GRIA1: variants seen among roughly 807,000 people sequenced by gnomAD.
The protein encoded by GRIA1 is glutamate ionotropic receptor AMPA type subunit 1, also known as glutamate receptor 1.
A neutral mutation model predicts 99.2 loss-of-function variants in GRIA1; 31 were observed. The observed-to-expected ratio is 0.31, with a 90% CI of 0.23 to 0.42. The LOEUF is 0.42. Among genes scored for constraint, GRIA1 ranks in the 10% least tolerant of loss-of-function variants. GRIA1 has a pLI of 1.00. For synonymous variants in GRIA1, 438 were observed against 432.4 expected (o/e 1.01, Z -0.16); for missense variants, 782 against 1,157.5 (o/e 0.68, Z 4.71).
intron 2 of GRIA1, among the ~76,000 whole-genome samples, chr5:153,537,358 A>C (rs1023849952): frequency 1.3e-5 from 2 of 152,156 alleles, no homozygotes; most frequent in African/African-American, 4.8e-5. Flanking sequence ...TCCCCCGCAG[A>C]CCTGCCTAGC....
chr5:153,564,354 T>C (rs55654300), intron 2 of GRIA1, among the ~76,000 whole-genome samples: 55,547 of 152,050 alleles, frequency 0.37, 12,757 homozygotes, highest in Non-Finnish European at 0.52. Context: ...CATCACAGCA[T>C]AGAGATTAAG....
intron 6 of GRIA1, 77 bp downstream of exon 6, chr5:153,674,738 C>A: frequency 7.0e-7 from 1 of 1,421,900 alleles, no homozygotes; most frequent in Non-Finnish European, 9.7e-7. Flanking sequence ...CTGCATTAGT[C>A]TTTACAAAGG....
chr5:153,545,599 T>C (rs748958171), intron 2 of GRIA1, among the ~76,000 whole-genome samples: 1 of 152,094 alleles, frequency 6.6e-6, no homozygotes, highest in African/African-American at 2.4e-5. Flanking sequence ...ACTACAGCAA[T>C]GTGGGAGCTA....
At position 153,813,421 on chromosome 5, in the gene GRIA1, G is replaced by A. The variant is rs567560646; in HGVS notation, c.*2196G>A. 16 of 152,304 alleles carry A rather than the reference G, an allele frequency of 1.1e-4. No individual in the cohort carries two copies. Among genetic ancestry groups the A allele is most frequent in the African/African-American group, 2.6e-4 (11 of 41,556 alleles). The allele number at this position is 152,304 out of a possible 1,614,324, so 9.4% of individuals were successfully genotyped here. Reference sequence around the variant, plus strand: ...TACTGAGCCCACAAGTAACATGAGCGGATAAAAAGAGACTTGTTTGTGCTA... The same window carrying A: ...TACTGAGCCCACAAGTAACATGAGCAGATAAAAAGAGACTTGTTTGTGCTA... On this transcript the variant is annotated 3_prime_UTR_variant, in exon 16 of 16. Coordinates refer to ENST00000285900, the MANE Select transcript of GRIA1 (RefSeq NM_000827.4).
Position 153,603,609 on chromosome 5 carries a change from G to A in GRIA1, c.221-43319G>A, listed in dbSNP as rs113105642. On this transcript the variant is annotated intron_variant, in intron 2 of 15. Transcript: ENST00000285900. ...AGAAGCTGGAGCCTATTTTCATACCGAATATGTAAATATCGACATCTCTGC... is the reference window on the plus strand; with the variant it reads ...AGAAGCTGGAGCCTATTTTCATACCAAATATGTAAATATCGACATCTCTGC... Among the ~76,000 whole-genome samples, 689 of 152,232 alleles carry A rather than the reference G, an allele frequency of 4.5e-3. 5 individuals are homozygous for A. Among genetic ancestry groups the A allele is most frequent in the African/African-American group, 0.015 (634 of 41,542 alleles).
intron 8 of GRIA1, among the ~76,000 whole-genome samples, chr5:153,697,138 A>T (rs142838111): frequency 6.6e-6 from 1 of 152,178 alleles, no homozygotes; most frequent in Non-Finnish European, 1.5e-5. Context: ...ATCTCTCATG[A>T]TCATAAGCCC....
chr5:153,727,093 A>G (rs907819357), intron 11 of GRIA1, among the ~76,000 whole-genome samples: 18 of 152,170 alleles, frequency 1.2e-4, no homozygotes, highest in African/African-American at 3.9e-4. Context: ...TATGCAAATC[A>G]CTAAATGTAA....
At chr5:153,619,298 C>A (rs977001869) in intron 2 of GRIA1, among the ~76,000 whole-genome samples, 1 of 152,198 alleles carries the variant, frequency 6.6e-6, no homozygotes, top group African/African-American at 2.4e-5. Flanking sequence ...AAGCCCCAAA[C>A]TTATCCTTGT....
chr5:153,599,350 A>G (rs1581299111), intron 2 of GRIA1, among the ~76,000 whole-genome samples: 2 of 152,332 alleles, frequency 1.3e-5, no homozygotes, highest in South Asian at 2.1e-4. Flanking sequence ...TTAATTCACA[A>G]TACTTATCCT....
intron 2 of GRIA1, among the ~76,000 whole-genome samples, chr5:153,608,874 C>A (rs1765691475): frequency 6.6e-6 from 1 of 152,116 alleles, no homozygotes; most frequent in African/African-American, 2.4e-5. Context: ...CTGATGTTAT[C>A]TTTTTCCCTA....
intron 8 of GRIA1, among the ~76,000 whole-genome samples, chr5:153,689,025 T>A (rs1054114454): frequency 6.6e-6 from 1 of 151,136 alleles, no homozygotes; most frequent in Non-Finnish European, 1.5e-5. Flanking sequence ...CAGGCTTTTT[T>A]TTCTTTCTTT....
At chr5:153,747,623 C>G (rs1762246897) in intron 11 of GRIA1, among the ~76,000 whole-genome samples, 1 of 152,198 alleles carries the variant, frequency 6.6e-6, no homozygotes, top group Non-Finnish European at 1.5e-5. Flanking sequence ...GTTGCTTGTT[C>G]ACATTCTTGT....
intron 2 of GRIA1, among the ~76,000 whole-genome samples, chr5:153,596,183 A>G (rs1183865939): frequency 6.6e-6 from 1 of 152,228 alleles, no homozygotes; most frequent in Non-Finnish European, 1.5e-5. Flanking sequence ...GACAGAGTGA[A>G]ATGAGAGAGT....
intron 2 of GRIA1, among the ~76,000 whole-genome samples, chr5:153,587,652 C>G (rs930877792): frequency 3.3e-5 from 5 of 152,162 alleles, no homozygotes; most frequent in Non-Finnish European, 1.5e-5. Context: ...CCTTCATCTC[C>G]ACAGCTATCA....
intron 2 of GRIA1, among the ~76,000 whole-genome samples, chr5:153,534,635 G>C (rs1479033111): frequency 6.6e-6 from 1 of 152,206 alleles, no homozygotes; most frequent in Non-Finnish European, 1.5e-5. Flanking sequence ...TCACGTTGTG[G>C]AGTAAGTGCT....
intron 10 of GRIA1, among the ~76,000 whole-genome samples, chr5:153,700,755 C>G (rs1455271081): frequency 6.6e-6 from 1 of 152,132 alleles, no homozygotes; most frequent in Non-Finnish European, 1.5e-5. Flanking sequence ...CAAGCAGCCA[C>G]TGAGGAAGAT....
chr5:153,677,069 G>T lies in GRIA1; in HGVS notation c.937G>T (p.Asp313Tyr). Residue 313 changes from aspartate to tyrosine, a missense_variant, in exon 7 of 16, where the codon GAT (aspartate) becomes TAT (tyrosine). Physicochemically the swap from Asp to Tyr is radical, Grantham distance 160. Transcript: ENST00000285900. ...AFQSLRRQRIDISRRGNAGDC... is the reference protein window; with the variant it reads ...AFQSLRRQRIYISRRGNAGDC... ...CCAGAGCCTGCGGAGGCAGAGAATT[G>T]ATATATCTCGCCGGGGGAATGCTGG... The T allele has an allele frequency of 6.3e-7, 1 of 1,586,540 alleles. No homozygotes were observed.
At chr5:153,710,588 T>G (rs1276905539) in intron 11 of GRIA1, among the ~76,000 whole-genome samples, 1 of 152,230 alleles carries the variant, frequency 6.6e-6, no homozygotes, top group South Asian at 2.1e-4. Context: ...ATAAAAATCA[T>G]CACAGACAAA....
intron 2 of GRIA1, among the ~76,000 whole-genome samples, chr5:153,542,514 C>G (rs181164135): frequency 6.6e-6 from 1 of 152,308 alleles, no homozygotes; most frequent in East Asian, 1.9e-4. Context: ...GCAAAGCATT[C>G]TTTATTTGCC....
Sources: gnomAD v4.1 joint callset for allele counts (sites outside exome capture counted in the v4.1 genomes callset) on GRCh38, gnomAD v4.1.1 for gene constraint, MANE v1.5 for transcripts, NCBI Gene and HGNC (gene_info 2026-07-23, HGNC 2026-07-21) for gene names.